The following FBXL17 variants were observed in gnomAD, a reference collection of about 807,000 sequenced individuals.
FBXL17 encodes the protein F-box and leucine rich repeat protein 17.
In FBXL17, 22 loss-of-function variants were observed where a neutral mutation model predicts 66.2. That is an observed-to-expected ratio of 0.33 (90% CI 0.24 to 0.47). The LOEUF (loss-of-function observed/expected upper bound fraction) is 0.47. Ranked by LOEUF, FBXL17 falls within the 20% of genes least tolerant of loss-of-function variation. The pLI, the probability that FBXL17 is intolerant of heterozygous loss-of-function variation, is 1.00. For synonymous variants in FBXL17, 474 were observed against 400.5 expected, an observed-to-expected ratio of 1.18 and a Z score of -2.19; for missense variants, 878 against 948.2, an observed-to-expected ratio of 0.93 and a Z score of 0.97.
At chr5:108,047,161 A>C (rs974864690) in intron 6 of FBXL17, among the ~76,000 whole-genome samples, 2 of 152,210 alleles carry the variant, frequency 1.3e-5, no homozygotes, top group Non-Finnish European at 2.9e-5. Context: ...GGCGTGATCT[A>C]TGGAGGGGAA....
At chr5:108,190,143 T>C (rs1273994162) in intron 5 of FBXL17, among the ~76,000 whole-genome samples, 3 of 152,182 alleles carry the variant, frequency 2.0e-5, no homozygotes, top group South Asian at 2.1e-4. Flanking sequence ...GCGGTGACGT[T>C]GTATTGCTGA....
chr5:108,376,022 A>C lies in FBXL17; in HGVS notation c.993+4677T>G, dbSNP rs375237351. Among the ~76,000 whole-genome samples the C allele has an allele frequency of 3.0e-4, 45 of 152,356 alleles. No individual in the cohort carries two copies. In the South Asian group the frequency reaches 7.5e-3, roughly 25 times the overall value. The stretch of plus-strand genomic sequence containing the variant: ...TAGAATAAAGGTAAAAAGCAAAAAC[A>C]AAACACATGATCATCTCAACTGATT... On this transcript the variant is annotated intron_variant, in intron 1 of 8. Coordinates refer to ENST00000542267, the MANE Select transcript of FBXL17 (RefSeq NM_001163315.3).
chr5:108,221,367 G>C (rs544405474), intron 5 of FBXL17, among the ~76,000 whole-genome samples: 20 of 152,112 alleles, frequency 1.3e-4, no homozygotes, highest in African/African-American at 4.6e-4. Context: ...TAGTTTCCAT[G>C]AGAGCCCCTA....
intron 4 of FBXL17, among the ~76,000 whole-genome samples, chr5:108,272,966 T>C (rs1057333151): frequency 4.0e-5 from 6 of 151,626 alleles, no homozygotes; most frequent in African/African-American, 1.5e-4. Flanking sequence ...GCTTGAGAAA[T>C]AAAGGGACAG....
chr5:108,031,563 G>T (rs561690019), intron 6 of FBXL17, among the ~76,000 whole-genome samples: 4 of 152,174 alleles, frequency 2.6e-5, no homozygotes, highest in African/African-American at 9.6e-5. Flanking sequence ...CATTTCTGGT[G>T]GAAGGCTGAC....
chr5:107,914,648 G>A (rs1750067429), intron 7 of FBXL17, among the ~76,000 whole-genome samples: 2 of 152,172 alleles, frequency 1.3e-5, no homozygotes, highest in African/African-American at 2.4e-5. Flanking sequence ...CCACCCAAGT[G>A]ACCCCGGGAC....
At position 108,305,410 on chromosome 5, in the gene FBXL17, C is replaced by T. The variant is rs189779241; in HGVS notation, c.1506+42989G>A. Among the ~76,000 whole-genome samples the T allele has an allele frequency of 4.7e-3, 720 of 152,060 alleles. 2 individuals are homozygous for T. The highest frequency in any genetic ancestry group is 7.6e-3 in the Non-Finnish European group (519 of 67,990). On this transcript the variant is annotated intron_variant, in intron 4 of 8. Transcript: ENST00000542267. The stretch of plus-strand genomic sequence containing the variant: ...GTGATGAGATTATCTGTGCAGCACA[C>T]CACCATGACATAGGTTTACCTAAGT...
chr5:107,890,625 C>T (rs917830437), intron 7 of FBXL17, among the ~76,000 whole-genome samples: 2 of 150,856 alleles, frequency 1.3e-5, no homozygotes, highest in Non-Finnish European at 2.9e-5. Flanking sequence ...GATCACACCA[C>T]TACACTCCAG....
intron 7 of FBXL17, among the ~76,000 whole-genome samples, chr5:108,015,141 T>G (rs1296334415): frequency 2.6e-5 from 4 of 152,056 alleles, no homozygotes; most frequent in Non-Finnish European, 5.9e-5. Context: ...AGTAGGAATA[T>G]AAATCTGGTA....
chr5:108,074,079 C>T (rs1020524622), intron 6 of FBXL17, among the ~76,000 whole-genome samples: 1 of 152,162 alleles, frequency 6.6e-6, no homozygotes, highest in Non-Finnish European at 1.5e-5. Flanking sequence ...TTCTGAGCCC[C>T]CATTCTTTCT....
chr5:108,278,217 T>G (rs73214561), intron 4 of FBXL17, among the ~76,000 whole-genome samples: 1,954 of 152,258 alleles, frequency 0.013, 35 homozygotes, highest in African/African-American at 0.043. Context: ...CCCCCAAATC[T>G]AACTTACAGA....
intron 4 of FBXL17, among the ~76,000 whole-genome samples, chr5:108,327,076 G>A (rs1759892007): frequency 6.6e-6 from 1 of 152,176 alleles, no homozygotes; most frequent in African/African-American, 2.4e-5. Context: ...CAACTGAAAT[G>A]TCCATTAACA....
At chr5:108,190,106 T>C (rs1376426494) in intron 5 of FBXL17, among the ~76,000 whole-genome samples, 2 of 152,156 alleles carry the variant, frequency 1.3e-5, no homozygotes, top group Non-Finnish European at 2.9e-5. Flanking sequence ...TTGTTGTGTA[T>C]CAGTAGAAAA....
chr5:108,345,980 T>G (rs906568320), intron 4 of FBXL17, among the ~76,000 whole-genome samples: 2 of 152,138 alleles, frequency 1.3e-5, no homozygotes, highest in African/African-American at 4.8e-5. Flanking sequence ...CAAAGCATAG[T>G]TGAAATTCTT....
intron 6 of FBXL17, among the ~76,000 whole-genome samples, chr5:108,044,040 CT>C (rs911271092): frequency 6.6e-6 from 1 of 152,080 alleles, no homozygotes; most frequent in Non-Finnish European, 1.5e-5. Flanking sequence ...GTATGTTTAT[CT>C]TTTATCCTAA....
intron 7 of FBXL17, among the ~76,000 whole-genome samples, chr5:108,006,641 C>T (rs560464428): frequency 5.1e-4 from 78 of 152,230 alleles, no homozygotes; most frequent in African/African-American, 1.9e-3. Context: ...AATGTGGATC[C>T]AGTTTTATAA....
chr5:108,119,300 A>C (rs1435388192), intron 6 of FBXL17, among the ~76,000 whole-genome samples: 2 of 152,156 alleles, frequency 1.3e-5, no homozygotes, highest in Non-Finnish European at 2.9e-5. Flanking sequence ...CTAGTCCCAA[A>C]TCAACAAGCT....
intron 4 of FBXL17, among the ~76,000 whole-genome samples, chr5:108,254,218 T>TGTAAA (rs1419351493): frequency 2.0e-5 from 3 of 152,202 alleles, no homozygotes; most frequent in African/African-American, 7.2e-5. Flanking sequence ...TTTTGACAAA[T>TGTAAA]GTAAACTGTG....
intron 7 of FBXL17, among the ~76,000 whole-genome samples, chr5:107,992,639 A>C (rs1189900760): frequency 6.6e-6 from 1 of 152,176 alleles, no homozygotes; most frequent in Admixed American, 6.5e-5. Flanking sequence ...CATTTTAAAA[A>C]TTTTTTTATC....
Sources: gnomAD v4.1 joint callset for allele counts (sites outside exome capture counted in the v4.1 genomes callset) on GRCh38, gnomAD v4.1.1 for gene constraint, MANE v1.5 for transcripts, NCBI Gene and HGNC (gene_info 2026-07-23, HGNC 2026-07-21) for gene names.